LRBA: variants seen among roughly 807,000 people sequenced by gnomAD.
LRBA encodes the protein lipopolysaccharide-responsive and beige-like anchor protein.
A neutral mutation model predicts 330.0 loss-of-function variants in LRBA; 176 were observed. The observed-to-expected ratio is 0.53, with a 90% CI of 0.47 to 0.60. The LOEUF (loss-of-function observed/expected upper bound fraction) is 0.60, where lower values mean the gene tolerates loss of function less well. LRBA is among the 20% of genes least tolerant of loss of function. The pLI is 0.00. For synonymous variants in LRBA, 1,230 were observed against 1,193.0 expected (o/e 1.03, Z -0.64); for missense variants, 3,259 against 3,444.8 (o/e 0.95, Z 1.35).
chr4:150,916,381 G>A lies in LRBA; in HGVS notation c.894+20C>T. The A allele has an allele frequency of 6.2e-7, 1 of 1,608,590 alleles. No individual in the cohort carries two copies. Among genetic ancestry groups the A allele is most frequent in the Non-Finnish European group, 8.5e-7 (1 of 1,178,006 alleles). On this transcript the variant is annotated intron_variant, in intron 7 of 56. Transcript: ENST00000651943. The stretch of plus-strand genomic sequence containing the variant: ...TAGCATAGCTTGTTAACATAACTAT[G>A]ACTCAAGAAGATCATGTACCTTTTG...
chr4:150,525,827 A>T (rs1048588563), intron 40 of LRBA, among the ~76,000 whole-genome samples: 4 of 152,190 alleles, frequency 2.6e-5, no homozygotes, highest in Admixed American at 6.5e-5. Flanking sequence ...GAAAGCCGTT[A>T]CAGACATACA....
In LRBA at chr4:150,583,030, A is replaced by G; in HGVS notation, c.6330+5018T>C. 1.3e-6 allele frequency: 2 copies of G among 1,587,312 alleles called. No individual in the cohort carries two copies. Among genetic ancestry groups the G allele is most frequent in the Non-Finnish European group, 1.7e-6 (2 of 1,165,144 alleles). On this transcript the variant is annotated intron_variant, in intron 40 of 56. Coordinates refer to ENST00000651943, the MANE Select transcript of LRBA (RefSeq NM_001364905.1). The surrounding 1 kb of genome is among the most constrained non-coding windows in gnomAD (Gnocchi z 9.8). ...GTATAGCCCGGACCTGTGCCCCAACATGATCGCCGCTCAGGCCAAGCTGGT... is the reference window on the plus strand; with the variant it reads ...GTATAGCCCGGACCTGTGCCCCAACGTGATCGCCGCTCAGGCCAAGCTGGT...
At chr4:150,346,209 T>G (rs1736276512) in intron 48 of LRBA, among the ~76,000 whole-genome samples, 2 of 152,216 alleles carry the variant, frequency 1.3e-5, no homozygotes, top group African/African-American at 4.8e-5. Context: ...TTCAAGAATA[T>G]CAAATACCTA....
At chr4:150,905,179 TTTG>T (rs916677877) in intron 13 of LRBA, among the ~76,000 whole-genome samples, 8 of 152,150 alleles carry the variant, frequency 5.3e-5, no homozygotes, top group African/African-American at 1.9e-4. Flanking sequence ...AACTAATTGG[TTTG>T]TTGTTACAAA....
chr4:150,794,804 T>C (rs987872923), intron 34 of LRBA, among the ~76,000 whole-genome samples: 41 of 152,286 alleles, frequency 2.7e-4, no homozygotes, highest in African/African-American at 8.7e-4. Flanking sequence ...TTTTTCTATA[T>C]ACTGTATGCA....
chr4:150,640,831 GA>G (rs1027956210), intron 37 of LRBA, among the ~76,000 whole-genome samples: 5 of 152,212 alleles, frequency 3.3e-5, no homozygotes, highest in African/African-American at 1.2e-4. Context: ...ATAGGATCAA[GA>G]TACTTAAGTT....
At chr4:150,733,174 T>C (rs577534632) in intron 36 of LRBA, among the ~76,000 whole-genome samples, 31 of 152,188 alleles carry the variant, frequency 2.0e-4, no homozygotes, top group African/African-American at 7.2e-4. Context: ...AACATTTTTG[T>C]GACGTAAAAT....
At chr4:150,957,625 A>G (rs986838592) in intron 2 of LRBA, among the ~76,000 whole-genome samples, 1 of 148,794 alleles carries the variant, frequency 6.7e-6, no homozygotes, top group Non-Finnish European at 1.5e-5. Context: ...TTTTAGCATT[A>G]ACTCCAAAGT....
At chr4:150,467,881 T>C (rs940388868) in intron 43 of LRBA, 96 bp from the exon 44 acceptor site, 25 of 554,286 alleles carry the variant, frequency 4.5e-5, no homozygotes, top group Non-Finnish European at 6.7e-5. Flanking sequence ...TAAACAATTT[T>C]TGATTGCCAG....
At chr4:150,570,540 C>T (rs1161733566) in intron 40 of LRBA, among the ~76,000 whole-genome samples, 3 of 152,084 alleles carry the variant, frequency 2.0e-5, no homozygotes, top group African/African-American at 7.2e-5. Context: ...GAAGAAATAA[C>T]ACATGTCATC....
At chr4:150,559,885 T>TATATAAATA (rs1393850541) in intron 40 of LRBA, among the ~76,000 whole-genome samples, 1 of 40,088 alleles carries the variant, frequency 2.5e-5, no homozygotes, top group African/African-American at 9.0e-5. Flanking sequence ...TTATATATAA[T>TATATAAATA]TATATATAAT....
intron 40 of LRBA, chr4:150,582,717 T>C (rs1488420958): frequency 1.5e-5 from 4 of 267,118 alleles, no homozygotes; most frequent in African/African-American, 8.8e-5. Flanking sequence ...ACCCCGCTTC[T>C]CTCGCACACG....
intron 2 of LRBA, among the ~76,000 whole-genome samples, chr4:150,931,767 A>T (rs1233065185): frequency 6.6e-6 from 1 of 152,078 alleles, no homozygotes; most frequent in East Asian, 1.9e-4. Context: ...GTCTAAAAAA[A>T]AAATAAGTTT....
intron 2 of LRBA, among the ~76,000 whole-genome samples, chr4:150,978,463 G>A (rs1740454109): frequency 6.6e-6 from 1 of 152,120 alleles, no homozygotes; most frequent in African/African-American, 2.4e-5. Context: ...TATAATAACA[G>A]TCCAGACACT....
intron 2 of LRBA, among the ~76,000 whole-genome samples, chr4:150,940,000 GT>G (rs998386935): frequency 4.6e-5 from 7 of 152,024 alleles, no homozygotes; most frequent in South Asian, 2.1e-4. Flanking sequence ...CAAAAAATAG[GT>G]TTGTGATTGG....
chr4:150,305,577 T>A (rs1730258391), intron 52 of LRBA, among the ~76,000 whole-genome samples: 1 of 152,168 alleles, frequency 6.6e-6, no homozygotes, highest in Non-Finnish European at 1.5e-5. Context: ...CAGACTGGTA[T>A]ATAATTATGA....
chr4:150,895,238 T>G (rs1729933389), intron 16 of LRBA, among the ~76,000 whole-genome samples: 2 of 152,122 alleles, frequency 1.3e-5, no homozygotes, highest in South Asian at 4.2e-4. Context: ...ATTTTCCTGG[T>G]GCTAAAAAAT....
At position 150,720,845 on chromosome 4, in the gene LRBA, A is replaced by G. The variant is rs544169419; in HGVS notation, c.5754+14413T>C. The G allele has an allele frequency of 2.2e-3, 628 of 279,240 alleles. 1 individual carries two copies. The highest frequency in any genetic ancestry group is 3.7e-3 in the Non-Finnish European group (527 of 144,364). 17.3% of individuals were successfully genotyped at this position (279,240 alleles called of 1,614,324 possible). On this transcript the variant is annotated intron_variant, in intron 36 of 56. Transcript: ENST00000651943. ...ATCACAGGCAGAAGACACAAAAAGC[A>G]AATCAGAAATTAAGGGAAAATATCA...
intron 2 of LRBA, among the ~76,000 whole-genome samples, chr4:150,964,022 G>C (rs1738554651): frequency 7.0e-6 from 1 of 143,458 alleles, no homozygotes; most frequent in African/African-American, 2.8e-5. Context: ...GAGCGTCTCT[G>C]ACCGGCCGCC....
Sources: allele counts gnomAD v4.1 joint callset (sites outside exome capture counted in the v4.1 genomes callset), GRCh38; gene constraint gnomAD v4.1.1; non-coding constraint Gnocchi (gnomAD v3.1); transcripts MANE v1.5; gene names NCBI Gene and HGNC (gene_info 2026-07-23, HGNC 2026-07-21).